C11orf65: variants seen among roughly 807,000 people sequenced by gnomAD.
The protein encoded by C11orf65 is chromosome 11 open reading frame 65.
Under a neutral mutation model 35.3 loss-of-function variants are expected in C11orf65, and 38 were observed. That is an observed-to-expected ratio of 1.08 (90% confidence interval 0.83 to 1.41). The LOEUF (loss-of-function observed/expected upper bound fraction) is 1.41. Among genes scored for constraint, C11orf65 ranks in the 40% most tolerant of loss-of-function variants. The pLI, the probability that C11orf65 is intolerant of heterozygous loss-of-function variation, is 0.00. For synonymous variants in C11orf65, 105 were observed against 114.4 expected, an observed-to-expected ratio of 0.92 and a Z score of 0.53; for missense variants, 370 against 367.1, an observed-to-expected ratio of 1.01 and a Z score of -0.06.
downstream of C11orf65, among the ~76,000 whole-genome samples, chr11:108,329,744 G>C (rs914715034): frequency 1.3e-5 from 2 of 152,142 alleles, no homozygotes; most frequent in African/African-American, 4.8e-5. Flanking sequence ...TCACAAATTA[G>C]TATGTAAGAT....
At chr11:108,404,055 T>G (rs1188982285) in intron 6 of C11orf65, among the ~76,000 whole-genome samples, 1 of 152,146 alleles carries the variant, frequency 6.6e-6, no homozygotes, top group African/African-American at 2.4e-5. Context: ...CCCAGACCAC[T>G]TGTCACCAAT....
rs11366542 is a variant in C11orf65, at chr11:108,325,249, G to GTT, written c.641-16180_641-16179dup. 2,253 of 565,524 alleles carry GTT rather than the reference G, an allele frequency of 4.0e-3. 30 individuals are homozygous for GTT. The highest frequency in any genetic ancestry group is 0.037 in the African/African-American group (1,537 of 41,630). The allele number at this position is 565,524 out of a possible 1,614,324, so 35.0% of individuals were successfully genotyped here. A position where few individuals can be genotyped will look rare whatever the true frequency, so the allele number is the denominator to read the frequency against. On this transcript the variant is annotated intron_variant, in intron 6 of 6. Coordinates refer to the C11orf65 transcript ENST00000525729. Reference sequence around the variant, plus strand: ...TATCGTAAGTTCCAGAACTTACATAGTTTTTTTTTTTTTTTTTTTCATTTC... The same window carrying GTT: ...TATCGTAAGTTCCAGAACTTACATAGTTTTTTTTTTTTTTTTTTTTTCATTTC...
intron 2 of C11orf65, chr11:108,368,736 C>T (rs1472489818): frequency 4.7e-6 from 1 of 213,790 alleles, no homozygotes; most frequent in Non-Finnish European, 9.5e-6. Flanking sequence ...ATAGCTTTCC[C>T]ACCCTACTTT....
chr11:108,447,344 C>A (rs1005950954), intron 2 of C11orf65, among the ~76,000 whole-genome samples: 7 of 152,002 alleles, frequency 4.6e-5, no homozygotes, highest in Non-Finnish European at 1.0e-4. Context: ...TTTTTTAGCA[C>A]CACACCACAC....
upstream of C11orf65, among the ~76,000 whole-genome samples, chr11:108,469,679 T>C (rs2093564608): frequency 6.6e-6 from 1 of 152,114 alleles, no homozygotes; most frequent in Non-Finnish European, 1.5e-5. Context: ...CATAACAGGC[T>C]AGAACATTTT....
At chr11:108,460,249 C>T (rs1026524987) in intron 2 of C11orf65, among the ~76,000 whole-genome samples, 18 of 152,190 alleles carry the variant, frequency 1.2e-4, no homozygotes, top group Admixed American at 3.9e-4. Context: ...AGCCATAAAA[C>T]CTTTGTATCA....
chr11:108,449,466 C>T (rs577638971), intron 2 of C11orf65, among the ~76,000 whole-genome samples: 1 of 152,068 alleles, frequency 6.6e-6, no homozygotes, highest in African/African-American at 2.4e-5. Flanking sequence ...GAACAGAGTC[C>T]TCAGAAATAA....
chr11:108,416,392 CAAT>C (rs746088980), intron 3 of C11orf65, among the ~76,000 whole-genome samples: 3 of 152,206 alleles, frequency 2.0e-5, no homozygotes, highest in East Asian at 1.9e-4. Flanking sequence ...ATTAAAACAA[CAAT>C]GAGGGCCCGG....
intron 2 of C11orf65, among the ~76,000 whole-genome samples, chr11:108,452,028 G>A (rs1382840282): frequency 3.3e-5 from 5 of 152,066 alleles, no homozygotes; most frequent in African/African-American, 4.8e-5. Context: ...AGACTTAAAC[G>A]TTAGACCTAA....
rs950583601 is a variant in C11orf65 at position 108,321,496 on chromosome 11, C to CTA, written c.641-12427_641-12426dup. 12 of 1,601,886 alleles carry CTA rather than the reference C, an allele frequency of 7.5e-6. No individual in the cohort carries two copies. In the African/African-American group the frequency reaches 1.6e-4, roughly 21 times the overall value. On this transcript the variant is annotated intron_variant, in intron 6 of 6. Coordinates refer to the C11orf65 transcript ENST00000525729. ...CAATAGTGACTTTAAAAAATAAAAA[C>CTA]TATAGGCCGGGCACGGTGGCTCATG...
chr11:108,398,830 A>G (rs1326482110), intron 6 of C11orf65, among the ~76,000 whole-genome samples: 2 of 152,248 alleles, frequency 1.3e-5, no homozygotes, highest in Non-Finnish European at 2.9e-5. Flanking sequence ...GCATTCTGTT[A>G]TGAGAGGTGT....
Position 108,445,998 on chromosome 11 carries a change from C to T in C11orf65, c.82-14160G>A, listed in dbSNP as rs536745783. Among the ~76,000 whole-genome samples the T allele has an allele frequency of 1.8e-4, 28 of 151,896 alleles. No homozygotes were observed. The East Asian group carries it at 4.2e-3, about 23-fold the overall frequency. On this transcript the variant is annotated intron_variant, in intron 2 of 8. Coordinates refer to ENST00000393084, the MANE Select transcript of C11orf65 (RefSeq NM_152587.5). ...AATGCAGAAGCCTCAGGAGCCGACG[C>T]GATCAACTGGAAGAAAGGGTATCAG... is the stretch of plus-strand genomic sequence containing the variant.
intron 6 of C11orf65, among the ~76,000 whole-genome samples, chr11:108,398,105 T>C (rs1219776519): frequency 6.6e-6 from 1 of 152,172 alleles, no homozygotes; most frequent in Non-Finnish European, 1.5e-5. Flanking sequence ...ATGGGAGGTG[T>C]AGGTAACGGG....
At chr11:108,444,779 C>G (rs555954004) in intron 2 of C11orf65, among the ~76,000 whole-genome samples, 2 of 152,198 alleles carry the variant, frequency 1.3e-5, no homozygotes, top group African/African-American at 4.8e-5. Context: ...TACAGCGCAC[C>G]GTGCACGAGC....
intron 2 of C11orf65, among the ~76,000 whole-genome samples, chr11:108,444,369 A>G (rs1164423661): frequency 1.3e-5 from 2 of 152,166 alleles, no homozygotes; most frequent in African/African-American, 4.8e-5. Context: ...ACGGATTCAC[A>G]GCCGAATTCT....
chr11:108,324,847 C>T (rs1177884313), intron 6 of C11orf65, among the ~76,000 whole-genome samples: 8 of 152,172 alleles, frequency 5.3e-5, no homozygotes, highest in African/African-American at 1.7e-4. Flanking sequence ...GCTTTTCCTT[C>T]ACTGGATTGT....
chr11:108,374,322 C>T (rs968296971), intron 2 of C11orf65, among the ~76,000 whole-genome samples: 3 of 152,196 alleles, frequency 2.0e-5, no homozygotes, highest in Admixed American at 2.0e-4. Flanking sequence ...GCAGCATTCG[C>T]GGTTCATGAA....
At chr11:108,401,729 C>T (rs2092443194) in intron 6 of C11orf65, among the ~76,000 whole-genome samples, 1 of 152,136 alleles carries the variant, frequency 6.6e-6, no homozygotes, top group Non-Finnish European at 1.5e-5. Flanking sequence ...GGCCAGTACA[C>T]CTAAAATAAC....
chr11:108,405,397 G>GT, intron 6 of C11orf65, 32 bp downstream of exon 6: 1 of 1,603,062 alleles, frequency 6.2e-7, no homozygotes, highest in Non-Finnish European at 8.5e-7. Context: ...AAAATACTAC[G>GT]TATTTCCTTA....
Sources: allele counts gnomAD v4.1 joint callset (sites outside exome capture counted in the v4.1 genomes callset), GRCh38; gene constraint gnomAD v4.1.1; transcripts MANE v1.5; gene names NCBI Gene and HGNC (gene_info 2026-07-23, HGNC 2026-07-21).